FLG: variants seen among roughly 807,000 people sequenced by gnomAD.
The protein encoded by FLG is epidermal filaggrin.
Under a neutral mutation model 3.8 loss-of-function variants are expected in FLG, and 6 were observed. The observed-to-expected ratio is 1.60, with a 90% CI of 0.87 to 3.15. The LOEUF (loss-of-function observed/expected upper bound fraction) is 3.15, where lower values mean the gene tolerates loss of function less well. Ranked by LOEUF, FLG falls within the 30% of genes most tolerant of loss-of-function variation. The pLI is 0.00. For synonymous variants in FLG, 2,551 were observed against 1,931.6 expected (o/e 1.32, Z -8.41); for missense variants, 7,595 against 5,050.9 (o/e 1.50, Z -15.27).
rs767976800 is a variant in FLG at position 152,310,969 on chromosome 1, G to A, written c.3917C>T (p.Ser1306Phe). The A allele has an allele frequency of 2.5e-6, 4 of 1,613,818 alleles. No individual in the cohort carries two copies. The highest frequency in any genetic ancestry group is 3.4e-6 in the Non-Finnish European group (4 of 1,180,006). ...GSSREQSRDG[S>F]RHPGFHQEDR... Reference sequence around the variant, plus strand: ...TTCTTGATGGAACCCAGGGTGTCTGGAGCCATCTCTTGACTGCTCCCGAGA... The same window carrying A: ...TTCTTGATGGAACCCAGGGTGTCTGAAGCCATCTCTTGACTGCTCCCGAGA... Residue 1306 changes from serine (S) to phenylalanine (F), a missense_variant, in exon 3 of 3, where the codon TCC becomes TTC. Transcript: ENST00000368799.
Position 152,315,304 on chromosome 1 carries a change from G to C in FLG, c.138+15C>G. 6.2e-7 allele frequency: 1 copy of C among 1,612,466 alleles called. No individual in the cohort carries two copies. Among genetic ancestry groups the C allele is most frequent in the Non-Finnish European group, 8.5e-7 (1 of 1,178,910 alleles). On this transcript the variant is annotated intron_variant, in intron 2 of 2. Coordinates refer to ENST00000368799, the MANE Select transcript of FLG (RefSeq NM_002016.2). ...AAACAAATGCTCTATCTTTGGTCTT[G>C]TCAGAGACTCTTACCTTCAGGATTT...
Position 152,309,186 on chromosome 1 carries a change from C to A in FLG, c.5700G>T (p.Val1900=), listed in dbSNP as rs537598102. 4.3e-6 allele frequency: 7 copies of A among 1,611,304 alleles called. No homozygotes were observed. The highest frequency in any genetic ancestry group is 1.6e-4 in the Middle Eastern group (1 of 6,080). ...TGGGCCCTGATGATTGTCCCTGGCC[C>A]ACCTGCGAGTGTCTAGAGCTGTCGG... ...SRADSSRHSQ[V]GQGQSSGPRT... is the part of the protein sequence containing the mutation. Residue 1900 remains valine (V), a synonymous_variant, in exon 3 of 3, where the codon GTG becomes GTT. Transcript: ENST00000368799.
rs1425493549 is a variant in FLG, at chr1:152,313,870, TG to T, written c.1015del (p.His339MetfsTer107). On this transcript the variant is annotated frameshift_variant, in exon 3 of 3. Transcript: ENST00000368799. LOFTEE classifies it low-confidence loss of function (END_TRUNC). ...CCCATGACTGGCTCTGTCTTCATCA[TG>T]GGACCTGGGGTGTCTGGAGCCATCT... ...SRDGSRHPRS[H>X]DEDRASHGHS... is the part of the protein sequence containing the mutation. 9.3e-6 allele frequency: 15 copies of T among 1,614,018 alleles called. No individual in the cohort carries two copies. Among genetic ancestry groups the T allele is most frequent in the Non-Finnish European group, 1.3e-5 (15 of 1,179,950 alleles).
rs775610475 is a variant in FLG, at chr1:152,312,818, T to G, written c.2068A>C (p.Ser690Arg). The change falls in exon 3 of 3, where the codon AGT (serine) becomes CGT (arginine). Residue 690 changes from serine (S) to arginine (R), a missense_variant. Ser to Arg is a moderately radical substitution (Grantham distance 110, BLOSUM62 -1). Coordinates refer to ENST00000368799, the MANE Select transcript of FLG (RefSeq NM_002016.2). The stretch of plus-strand genomic sequence containing the variant: ...TCATGGGATGACGCAGCCTGTCCAC[T>G]AGAGGAATTCTGTGTGTGACGAGTG... ...SGTRHTQNSS[S>R]GQAASSHEQA... 7 of 1,613,836 alleles carry G rather than the reference T, an allele frequency of 4.3e-6. No homozygotes were observed. The highest frequency in any genetic ancestry group is 3.3e-5 in the Admixed American group (2 of 60,002).
At position 152,314,143 on chromosome 1, in the gene FLG, T is replaced by A; in HGVS notation, c.743A>T (p.Asp248Val). 6.2e-7 allele frequency: 1 copy of A among 1,614,196 alleles called. No homozygotes were observed. The highest frequency in any genetic ancestry group is 8.5e-7 in the Non-Finnish European group (1 of 1,180,008). The change falls in exon 3 of 3, where the codon GAT becomes GTT. Residue 248 changes from aspartate to valine, a missense_variant. Coordinates refer to ENST00000368799, the MANE Select transcript of FLG (RefSeq NM_002016.2). Reference protein sequence around the residue: ...TIQDEAYDTTDSLLEENKIYE... With the variant: ...TIQDEAYDTTVSLLEENKIYE... ...TATTTTGTTTTCTTCTAATAGACTA[T>A]CAGTGGTGTCATAGGCTTCATCCTG... is the stretch of plus-strand genomic sequence containing the variant.
rs770818200 is a variant in FLG at position 152,307,394 on chromosome 1, G to C, written c.7492C>G (p.Gln2498Glu). The C allele has an allele frequency of 6.2e-7, 1 of 1,613,276 alleles. No homozygotes were observed. Among genetic ancestry groups the C allele is most frequent in the Non-Finnish European group, 8.5e-7 (1 of 1,179,692 alleles). Reference sequence around the variant, plus strand: ...CCATGGGAGGCATCAGACCTTCCCTGGGATGTGGTGTGGCTGTGATGAGAC... The same window carrying C: ...CCATGGGAGGCATCAGACCTTCCCTCGGATGTGGTGTGGCTGTGATGAGAC... ...SGSHHSHTTS[Q>E]GRSDASHGHS... Residue 2498 changes from glutamine (Q) to glutamate (E), a missense_variant, in exon 3 of 3, where the codon CAG becomes GAG. Coordinates refer to ENST00000368799, the MANE Select transcript of FLG (RefSeq NM_002016.2).
At position 152,304,602 on chromosome 1, in the gene FLG, T is replaced by G; in HGVS notation, c.10284A>C (p.Gln3428His). 1 of 1,610,334 alleles carries G rather than the reference T, an allele frequency of 6.2e-7. No individual in the cohort carries two copies. Among genetic ancestry groups the G allele is most frequent in the Non-Finnish European group, 8.5e-7 (1 of 1,178,322 alleles). The part of the protein sequence containing the change: ...ARDSSRHSAS[Q>H]EGQDTIRGHP... The stretch of plus-strand genomic sequence containing the variant: ...GTCCACGAATGGTGTCCTGACCCTC[T>G]TGGGACGCTGAGTGCCTGGAGCTGT... The change falls in exon 3 of 3, where the codon CAA becomes CAC. Residue 3428 changes from glutamine (Q) to histidine (H), a missense_variant. By Grantham distance (24) the Gln-to-His change is conservative. Transcript: ENST00000368799.
chr1:152,304,801 C>T lies in FLG; in HGVS notation c.10085G>A (p.Gly3362Glu), dbSNP rs1651837852. The change falls in exon 3 of 3, where the codon GGG (glycine) becomes GAG (glutamate). Residue 3362 changes from glycine (G) to glutamate (E), a missense_variant. Transcript: ENST00000368799. ...TQSVSGHGQA[G>E]PHQQSHQESA... ...CTCTTGGTGGCTCTGCTGATGGGGC[C>T]CAGCCTGTCCATGGCCTGACACTGA... 1.2e-6 allele frequency: 2 copies of T among 1,613,826 alleles called. No individual in the cohort carries two copies. The highest frequency in any genetic ancestry group is 1.7e-6 in the Non-Finnish European group (2 of 1,179,966).
rs376525417 is a variant in FLG, at chr1:152,304,249, T to C, written c.10637A>G (p.Gln3546Arg). The change falls in exon 3 of 3, where the codon CAG (glutamine) becomes CGG (arginine). Residue 3546 changes from glutamine (Q) to arginine (R), a missense_variant. Gln to Arg is a conservative substitution (Grantham distance 43). Coordinates refer to ENST00000368799, the MANE Select transcript of FLG (RefSeq NM_002016.2). ...CCTCTCAGAGTCTTCTGAGTGTCCC[T>C]GACTGTCACTGTCCTGGCTAACACT... is the stretch of plus-strand genomic sequence containing the variant. ...GSSVSQDSDS[Q>R]GHSEDSERWS... 6.2e-7 allele frequency: 1 copy of C among 1,613,144 alleles called. No homozygotes were observed. The highest frequency in any genetic ancestry group is 8.5e-7 in the Non-Finnish European group (1 of 1,179,718).
chr1:152,310,697 T>A lies in FLG; in HGVS notation c.4189A>T (p.Asn1397Tyr), dbSNP rs112252908. 1.2e-6 allele frequency: 2 copies of A among 1,613,744 alleles called. No individual in the cohort carries two copies. Among genetic ancestry groups the A allele is most frequent in the Non-Finnish European group, 1.7e-6 (2 of 1,179,986 alleles). The change falls in exon 3 of 3, where the codon AAC becomes TAC. Residue 1397 changes from asparagine to tyrosine, a missense_variant. Physicochemically the swap from Asn to Tyr is moderately radical, Grantham distance 143. Transcript: ENST00000368799. ...GAGTCTTCTGAATGTCCCTCACTGT[T>A]AGTGACCTGACTACCACTGGACCCT... ...HRGSSGSQVT[N>Y]SEGHSEDSDT...
chr1:152,314,865 CTTT>C, intron 2 of FLG, 118 bp from the exon 3 acceptor site: 5 of 1,073,438 alleles, frequency 4.7e-6, no homozygotes, highest in Non-Finnish European at 3.9e-6. Context: ...GGGACAAAAT[CTTT>C]TTTTTTTTTA....
chr1:152,305,133 G>C lies in FLG; in HGVS notation c.9753C>G (p.Ser3251=). 6.2e-7 allele frequency: 1 copy of C among 1,613,878 alleles called. No individual in the cohort carries two copies. Among genetic ancestry groups the C allele is most frequent in the South Asian group, 1.1e-5 (1 of 91,016 alleles). ...CTTCGTGATGGGACCTGGGGTGTCT[G>C]GAGCCGTGCCTTGACTGCTCCTGAA... is the stretch of plus-strand genomic sequence containing the variant. ...GSVQEQSRHG[S]RHPRSHHEDR... The change falls in exon 3 of 3, where the codon TCC becomes TCG. Residue 3251 remains serine, a synonymous_variant. Transcript: ENST00000368799.
rs765886974 is a variant in FLG, at chr1:152,312,569, G to T, written c.2317C>A (p.Gln773Lys). The T allele has an allele frequency of 8.7e-6, 14 of 1,613,676 alleles. No homozygotes were observed. Among genetic ancestry groups the T allele is most frequent in the Admixed American group, 1.7e-5 (1 of 59,988 alleles). ...SGHGQAGHHQQSHQESARDRS... is the reference protein window; with the variant it reads ...SGHGQAGHHQKSHQESARDRS... ...TCACGTGCGGACTCTTGGTGGCTCT[G>T]CTGATGGTGACCAGCCTGTCCATGG... The change falls in exon 3 of 3, where the codon CAG becomes AAG. Residue 773 changes from glutamine to lysine, a missense_variant. Physicochemically the swap from Gln to Lys is moderately conservative, Grantham distance 53. Transcript: ENST00000368799.
At position 152,313,571 on chromosome 1, in the gene FLG, C is replaced by A. The variant is rs770079841; in HGVS notation, c.1315G>T (p.Gly439Cys). 7 of 1,613,956 alleles carry A rather than the reference C, an allele frequency of 4.3e-6. No individual in the cohort carries two copies. The highest frequency in any genetic ancestry group is 5.1e-6 in the Non-Finnish European group (6 of 1,180,028). ...SENSDTQSVS[G>C]HGKAGLRQQS... ...TGTCTCAGCCCAGCCTTTCCGTGGCCTGACACTGATTGTGTGTCTGAGTTT... is the reference window on the plus strand; with the variant it reads ...TGTCTCAGCCCAGCCTTTCCGTGGCATGACACTGATTGTGTGTCTGAGTTT... The change falls in exon 3 of 3, where the codon GGC (glycine) becomes TGC (cysteine). Residue 439 changes from glycine to cysteine, a missense_variant. By Grantham distance (159) the Gly-to-Cys change is radical. Transcript: ENST00000368799.
At position 152,310,481 on chromosome 1, in the gene FLG, G is replaced by A. The variant is rs768563961; in HGVS notation, c.4405C>T (p.Arg1469Cys). The change falls in exon 3 of 3, where the codon CGC (arginine) becomes TGC (cysteine). Residue 1469 changes from arginine (R) to cysteine (C), a missense_variant. Coordinates refer to ENST00000368799, the MANE Select transcript of FLG (RefSeq NM_002016.2). ...GAGCTGTTTCGTGCCTGCTCATGGC[G>A]GGATCCTTGTCTTCCTCCAGTGCTG... ...APSTGGRQGS[R>C]HEQARNSSRH... The A allele has an allele frequency of 9.3e-6, 15 of 1,613,726 alleles. No homozygotes were observed. The highest frequency in any genetic ancestry group is 4.4e-5 in the South Asian group (4 of 91,020).
In FLG at chr1:152,302,596, G is replaced by C. The variant is rs773091278; in HGVS notation, c.*104C>G. On this transcript the variant is annotated 3_prime_UTR_variant, in exon 3 of 3. Transcript: ENST00000368799. ...TACTATAGCATATTTTAAACAGATT[G>C]ACAGGAAAAGATAACTTCCCTGAAA... 2.8e-6 allele frequency: 4 copies of C among 1,443,102 alleles called. No individual in the cohort carries two copies. The highest frequency in any genetic ancestry group is 3.7e-6 in the Non-Finnish European group (4 of 1,067,664). The allele number at this position is 1,443,102 out of a possible 1,614,324, so 89.4% of individuals were successfully genotyped here. A position where few individuals can be genotyped will look rare whatever the true frequency, so the allele number is the denominator to read the frequency against.
chr1:152,308,966 A>C lies in FLG; in HGVS notation c.5920T>G (p.Ser1974Ala), dbSNP rs780395323. 2 of 1,614,048 alleles carry C rather than the reference A, an allele frequency of 1.2e-6. No individual in the cohort carries two copies. The highest frequency in any genetic ancestry group is 4.5e-5 in the East Asian group (2 of 44,874). ...RAGHGHSADSSRQSGTRHTES... is the reference protein window; with the variant it reads ...RAGHGHSADSARQSGTRHTES... ...GTGTGACGAGTGCCTGATTGTCTGG[A>C]GCTGTCTGCAGAGTGCCCGTGACCG... Residue 1974 changes from serine to alanine, a missense_variant, in exon 3 of 3, where the codon TCC becomes GCC. Transcript: ENST00000368799.
In FLG at chr1:152,313,703, A is replaced by T. The variant is rs760375504; in HGVS notation, c.1183T>A (p.Ser395Thr). The T allele has an allele frequency of 6.2e-7, 1 of 1,613,844 alleles. No individual in the cohort carries two copies. The highest frequency in any genetic ancestry group is 1.1e-5 in the South Asian group (1 of 91,056). Reference sequence around the variant, plus strand: ...CCGCGCCCAGTGGCTGAGTGTCTGGAGCTGTCTGCTGACTGCTGGTGGCCG... The same window carrying T: ...CCGCGCCCAGTGGCTGAGTGTCTGGTGCTGTCTGCTGACTGCTGGTGGCCG... ...GSGHQQSADS[S>T]RHSATGRGQA... is the part of the protein sequence containing the mutation. Residue 395 changes from serine (S) to threonine (T), a missense_variant, in exon 3 of 3, where the codon TCC becomes ACC. Physicochemically the swap from Ser to Thr is moderately conservative, Grantham distance 58 (BLOSUM62 1). Coordinates refer to ENST00000368799, the MANE Select transcript of FLG (RefSeq NM_002016.2).
chr1:152,303,638 C>A lies in FLG; in HGVS notation c.11248G>T (p.Ala3750Ser), dbSNP rs372179015. The stretch of plus-strand genomic sequence containing the variant: ...ATGGTGTCCTGACCCTCTTGGGACG[C>A]TGAGTGCCTGGAGCTGTCTCGTGCC... ...EQARDSSRHS[A>S]SQEGQDTIRG... The change falls in exon 3 of 3, where the codon GCG becomes TCG. Residue 3750 changes from alanine (A) to serine (S), a missense_variant. Coordinates refer to ENST00000368799, the MANE Select transcript of FLG (RefSeq NM_002016.2). 6.2e-7 allele frequency: 1 copy of A among 1,613,976 alleles called. No homozygotes were observed. The highest frequency in any genetic ancestry group is 1.6e-4 in the Middle Eastern group (1 of 6,062).
Sources: gnomAD v4.1 joint callset for allele counts on GRCh38, gnomAD v4.1.1 for gene constraint, MANE v1.5 for transcripts, NCBI Gene and HGNC (gene_info 2026-07-23, HGNC 2026-07-21) for gene names.